SORCS1: variants seen among roughly 807,000 people sequenced by gnomAD.
SORCS1 encodes the protein VPS10 domain-containing receptor SorCS1.
A neutral mutation model predicts 146.1 loss-of-function variants in SORCS1; 60 were observed. The observed-to-expected ratio is 0.41, with a 90% CI of 0.33 to 0.51. The LOEUF is 0.51. Among genes scored for constraint, SORCS1 ranks in the 20% least tolerant of loss-of-function variants. SORCS1 has a pLI of 0.21. For synonymous variants in SORCS1, 637 were observed against 584.0 expected, an observed-to-expected ratio of 1.09 and a Z score of -1.31; for missense variants, 1,352 against 1,487.6, an observed-to-expected ratio of 0.91 and a Z score of 1.50.
At chr10:106,772,883 C>T (rs1351082992) in intron 4 of SORCS1, among the ~76,000 whole-genome samples, 2 of 152,112 alleles carry the variant, frequency 1.3e-5, no homozygotes, top group African/African-American at 4.8e-5. Context: ...TCCTGCAGGC[C>T]GGAGCTCCAA....
At chr10:106,636,711 AG>A (rs1406902156) in intron 18 of SORCS1, among the ~76,000 whole-genome samples, 1 of 152,220 alleles carries the variant, frequency 6.6e-6, no homozygotes, top group East Asian at 1.9e-4. Context: ...TTACATTTTA[AG>A]ATGAGATTTG....
intron 3 of SORCS1, among the ~76,000 whole-genome samples, chr10:106,787,229 G>A (rs1946098124): frequency 6.6e-6 from 1 of 152,070 alleles, no homozygotes; most frequent in African/African-American, 2.4e-5. Context: ...CACAGAGAAA[G>A]CACTGATATC....
At chr10:106,830,245 T>C (rs1948481983) in intron 2 of SORCS1, among the ~76,000 whole-genome samples, 1 of 152,218 alleles carries the variant, frequency 6.6e-6, no homozygotes, top group Non-Finnish European at 1.5e-5. Flanking sequence ...CAGGAGGACA[T>C]GACTTCTCGA....
chr10:107,167,632 A>G (rs1404240099), upstream of SORCS1, among the ~76,000 whole-genome samples: 1 of 152,126 alleles, frequency 6.6e-6, no homozygotes, highest in Non-Finnish European at 1.5e-5. Context: ...GCACAAGCAC[A>G]CTCAGGTGAT....
At chr10:106,972,798 C>G (rs1476431428) in intron 1 of SORCS1, among the ~76,000 whole-genome samples, 3 of 152,198 alleles carry the variant, frequency 2.0e-5, no homozygotes, top group South Asian at 2.1e-4. Flanking sequence ...TTTTCAATCT[C>G]TTACAACCAG....
At chr10:106,999,444 A>C (rs548725165) in intron 1 of SORCS1, among the ~76,000 whole-genome samples, 1 of 152,356 alleles carries the variant, frequency 6.6e-6, no homozygotes, top group African/African-American at 2.4e-5. Flanking sequence ...CAAAAAGTGA[A>C]GATGCATGGT....
At chr10:106,591,656 T>C (rs562413927) in intron 24 of SORCS1, among the ~76,000 whole-genome samples, 1 of 152,176 alleles carries the variant, frequency 6.6e-6, no homozygotes, top group Non-Finnish European at 1.5e-5. Flanking sequence ...GAAGCTGATA[T>C]AAAGACATGA....
intron 2 of SORCS1, among the ~76,000 whole-genome samples, chr10:106,857,452 T>G (rs1233382628): frequency 2.6e-5 from 4 of 152,182 alleles, no homozygotes; most frequent in Non-Finnish European, 5.9e-5. Flanking sequence ...AGCGGAACAG[T>G]GTTCACCTCT....
rs1963108787 is a variant in SORCS1 at position 107,078,964 on chromosome 10, G to C, written c.558+85005C>G. Among the ~76,000 whole-genome samples the C allele has an allele frequency of 4.0e-5, 6 of 149,362 alleles. 2 individuals carry two copies. In the South Asian group the frequency reaches 1.3e-3, roughly 32 times the overall value. On this transcript the variant is annotated intron_variant, in intron 1 of 25. Coordinates refer to ENST00000263054, the MANE Select transcript of SORCS1 (RefSeq NM_052918.5). ...AGATCGGCTGGGCACGGTGGCTCAG[G>C]CCTGTAATCCCAGCACTTTGGGAGG...
intron 1 of SORCS1, among the ~76,000 whole-genome samples, chr10:106,976,928 CCAGT>C (rs1292530796): frequency 6.6e-6 from 1 of 152,134 alleles, no homozygotes; most frequent in Non-Finnish European, 1.5e-5. Flanking sequence ...TTTTGTTTAT[CCAGT>C]CAATCATTGA....
At position 106,956,364 on chromosome 10, in the gene SORCS1, G is replaced by A. The variant is rs552900966; in HGVS notation, c.626+149C>T. The A allele has an allele frequency of 4.5e-5, 30 of 661,716 alleles. 1 individual carries two copies. Among genetic ancestry groups the A allele is most frequent in the South Asian group, 3.3e-4 (17 of 51,716 alleles). 41.0% of individuals were successfully genotyped at this position (661,716 alleles called of 1,614,324 possible). ...GGCCTGCCTGGAGATAAAGCCCAGC[G>A]CATCACTAAAGGAAACAGAGAAGAA... On this transcript the variant is annotated intron_variant, in intron 2 of 25. Coordinates refer to ENST00000263054, the MANE Select transcript of SORCS1 (RefSeq NM_052918.5).
intron 6 of SORCS1, among the ~76,000 whole-genome samples, chr10:106,725,839 G>A (rs1337889229): frequency 7.4e-6 from 1 of 135,218 alleles, no homozygotes; most frequent in African/African-American, 2.7e-5. Flanking sequence ...GCTGAGGCAG[G>A]AGGATGGCTT....
chr10:106,757,187 T>A (rs1019609899), intron 5 of SORCS1, among the ~76,000 whole-genome samples: 2 of 152,196 alleles, frequency 1.3e-5, no homozygotes, highest in African/African-American at 4.8e-5. Flanking sequence ...AGGGGTGGCA[T>A]GACCATTGCT....
At chr10:106,598,306 G>C (rs920425578) in intron 23 of SORCS1, among the ~76,000 whole-genome samples, 1 of 149,884 alleles carries the variant, frequency 6.7e-6, no homozygotes, top group Non-Finnish European at 1.5e-5. Flanking sequence ...TCTCTTGCCA[G>C]GCTGGAGTGC....
intron 2 of SORCS1, among the ~76,000 whole-genome samples, chr10:106,858,651 G>A (rs1001102860): frequency 3.3e-5 from 5 of 150,322 alleles, no homozygotes; most frequent in African/African-American, 1.2e-4. Flanking sequence ...GGGTGCATTT[G>A]ATTGGGGTTG....
At chr10:107,121,990 T>C (rs966088182) in intron 1 of SORCS1, among the ~76,000 whole-genome samples, 3 of 152,138 alleles carry the variant, frequency 2.0e-5, no homozygotes, top group Admixed American at 2.0e-4. Flanking sequence ...CAAAAATTAG[T>C]TTGGTGGACA....
intron 1 of SORCS1, among the ~76,000 whole-genome samples, chr10:107,113,177 A>G (rs889763358): frequency 3.9e-5 from 6 of 152,232 alleles, no homozygotes; most frequent in African/African-American, 1.4e-4. Context: ...ACAATGGTAT[A>G]AAACTATAAA....
intron 12 of SORCS1, among the ~76,000 whole-genome samples, chr10:106,678,525 C>T (rs1852203574): frequency 6.6e-6 from 1 of 152,168 alleles, no homozygotes; most frequent in African/African-American, 2.4e-5. Flanking sequence ...TTTCAATTTA[C>T]AGTGCTAGTT....
At chr10:106,985,831 GGACTCATT>G (rs1364942950) in intron 1 of SORCS1, among the ~76,000 whole-genome samples, 1 of 151,966 alleles carries the variant, frequency 6.6e-6, no homozygotes, top group Non-Finnish European at 1.5e-5. Flanking sequence ...CACCGAGCCT[GGACTCATT>G]TAAGCTTTCA....
Sources: allele counts gnomAD v4.1 joint callset (sites outside exome capture counted in the v4.1 genomes callset), GRCh38; gene constraint gnomAD v4.1.1; transcripts MANE v1.5; gene names NCBI Gene and HGNC (gene_info 2026-07-23, HGNC 2026-07-21).